The following TXNRD1 variants were observed in gnomAD, a reference collection of about 807,000 sequenced individuals.
The protein encoded by TXNRD1 is thioredoxin reductase 1, cytoplasmic.
TXNRD1 carries 57 observed loss-of-function variants against 80.3 expected under a neutral mutation model. The ratio of observed to expected loss-of-function variants is 0.71; its 90% confidence interval spans 0.57 to 0.89. TXNRD1 has a LOEUF of 0.89. Ranked by LOEUF, TXNRD1 falls within the 40% of genes least tolerant of loss-of-function variation. The pLI, the probability that TXNRD1 is intolerant of heterozygous loss-of-function variation, is 0.00. For synonymous variants in TXNRD1, 291 were observed against 285.2 expected (o/e 1.02, Z -0.20); for missense variants, 730 against 803.0 (o/e 0.91, Z 1.10).
chr12:104,268,955 T>C (rs2033595508), intron 3 of TXNRD1, among the ~76,000 whole-genome samples: 1 of 150,488 alleles, frequency 6.6e-6, no homozygotes, highest in South Asian at 2.1e-4. Context: ...TCTCACTCTT[T>C]TTGCCCAGGC....
At position 104,282,219 on chromosome 12, in the gene TXNRD1, G is replaced by GGT. The variant is rs2033893878; in HGVS notation, c.305-6710_305-6709dup. 3.9e-5 allele frequency among the ~76,000 whole-genome samples: 6 copies of GGT among 152,304 alleles called. No homozygotes were observed. In the South Asian group the frequency reaches 1.2e-3, roughly 32 times the overall value. ...AGGGTTTGGGGAGCTAGCAAGCTCT[G>GGT]GTGAGTGATGGCAGTGGGCAAAATT... On this transcript the variant is annotated intron_variant, in intron 3 of 16. Coordinates refer to ENST00000525566, the MANE Select transcript of TXNRD1 (RefSeq NM_001093771.3).
At chr12:104,309,953 A>G in intron 4 of TXNRD1, 2 of 1,536,004 alleles carry the variant, frequency 1.3e-6, no homozygotes, top group East Asian at 2.4e-5. Context: ...GCCAACAGGT[A>G]GCCACAGTGC....
rs559517270 is a variant in TXNRD1, at chr12:104,218,260, G to T, written c.91+2367G>T. ...AGGCTGGTCTTGAACTCTTGACCTC[G>T]TGATCTTCCCGCCTCAGCCTCCCAA... is the stretch of plus-strand genomic sequence containing the variant. On this transcript the variant is annotated intron_variant, in intron 1 of 16. Coordinates refer to ENST00000525566, the MANE Select transcript of TXNRD1 (RefSeq NM_001093771.3). Among the ~76,000 whole-genome samples the T allele has an allele frequency of 2.0e-5, 3 of 151,886 alleles. No homozygotes were observed. The East Asian group carries it at 5.8e-4, about 29-fold the overall frequency.
At chr12:104,311,837 C>T (rs2135807168) in intron 5 of TXNRD1, among the ~76,000 whole-genome samples, 1 of 152,040 alleles carries the variant, frequency 6.6e-6, no homozygotes, top group South Asian at 2.1e-4. Flanking sequence ...AAAAATTAGC[C>T]AGGCGTGGTG....
chr12:104,217,748 C>G (rs894818107), intron 1 of TXNRD1, among the ~76,000 whole-genome samples: 1 of 152,018 alleles, frequency 6.6e-6, no homozygotes, highest in Admixed American at 6.6e-5. Context: ...TTGCCGTTTC[C>G]CCCAGCCCCT....
At chr12:104,234,394 A>T (rs1469812455) in intron 1 of TXNRD1, among the ~76,000 whole-genome samples, 1 of 152,132 alleles carries the variant, frequency 6.6e-6, no homozygotes, top group Non-Finnish European at 1.5e-5. Flanking sequence ...TCCTGGGTTC[A>T]AGTGATTCTT....
chr12:104,318,864 G>A (rs1423728851), intron 7 of TXNRD1, 49 bp from the exon 8 acceptor site: 19 of 1,582,304 alleles, frequency 1.2e-5, no homozygotes, highest in Non-Finnish European at 1.6e-5. Context: ...AATGATCTTT[G>A]CCAGCAGTTG....
At chr12:104,270,782 C>A (rs2033634826) in intron 3 of TXNRD1, among the ~76,000 whole-genome samples, 2 of 151,978 alleles carry the variant, frequency 1.3e-5, no homozygotes, top group East Asian at 1.9e-4. Flanking sequence ...AACATTGAAT[C>A]CTGTCAAGCA....
rs754248678 is a variant in TXNRD1, at chr12:104,315,753, A to G, written c.611-24A>G. The stretch of plus-strand genomic sequence containing the variant: ...GTAAGGCTTGGAAAGCAGGTTATAA[A>G]CTGATTTCTCAATGTTGTTGTAGGT... On this transcript the variant is annotated intron_variant, in intron 6 of 16. Coordinates refer to ENST00000525566, the MANE Select transcript of TXNRD1 (RefSeq NM_001093771.3). The G allele has an allele frequency of 2.5e-6, 4 of 1,604,580 alleles. No homozygotes were observed. In the African/African-American group the frequency reaches 4.0e-5, roughly 16 times the overall value.
chr12:104,232,828 C>G (rs1187576807), intron 1 of TXNRD1, among the ~76,000 whole-genome samples: 1 of 152,128 alleles, frequency 6.6e-6, no homozygotes, highest in Non-Finnish European at 1.5e-5. Flanking sequence ...TTCTAAGAAG[C>G]CTGATTGTCA....
rs1165696357 is a variant in TXNRD1, at chr12:104,304,932, A to G, written c.415-6358A>G. On this transcript the variant is annotated intron_variant, in intron 4 of 16. Transcript: ENST00000525566. ...GAGGCTATGATTACATACTCCTCAT[A>G]CTAAAGATTTCTTAGTATAGCATCC... 2.5e-6 allele frequency: 4 copies of G among 1,584,440 alleles called. No homozygotes were observed. In the Admixed American group the frequency reaches 7.7e-5, roughly 30 times the overall value.
rs201478909 is a variant in TXNRD1, at chr12:104,229,562, CATTTTATTTT to C, written c.91+13699_91+13708del. ...AACAGTGCATTGTATGAATATACAACATTTTATTTTATTTTATTTTATTTTATTTTATTTT... is the reference window on the plus strand; with the variant it reads ...AACAGTGCATTGTATGAATATACAACATTTTATTTTATTTTATTTTATTTT... On this transcript the variant is annotated intron_variant, in intron 1 of 16. Transcript: ENST00000525566. Among the ~76,000 whole-genome samples the C allele has an allele frequency of 4.6e-3, 660 of 141,974 alleles. 6 individuals are homozygous for C. The highest frequency in any genetic ancestry group is 0.011 in the African/African-American group (387 of 35,348). 93.1% of individuals were successfully genotyped at this position (141,974 alleles called of 152,430 possible). A position where few individuals can be genotyped will look rare whatever the true frequency, so the allele number is the denominator to read the frequency against.
chr12:104,315,570 G>A (rs1159104643), intron 6 of TXNRD1, among the ~76,000 whole-genome samples: 1 of 152,058 alleles, frequency 6.6e-6, no homozygotes, highest in African/African-American at 2.4e-5. Flanking sequence ...TTTTTGTTTT[G>A]TTTTAGGATG....
intron 3 of TXNRD1, among the ~76,000 whole-genome samples, chr12:104,278,055 T>G (rs1356647941): frequency 1.3e-5 from 2 of 151,430 alleles, no homozygotes; most frequent in Non-Finnish European, 2.9e-5. Flanking sequence ...TTTTTTGTAT[T>G]TTTAGTAGAG....
intron 3 of TXNRD1, among the ~76,000 whole-genome samples, chr12:104,264,172 TA>T (rs2033425829): frequency 6.6e-6 from 1 of 152,216 alleles, no homozygotes; most frequent in Non-Finnish European, 1.5e-5. Flanking sequence ...AAAAGATGAG[TA>T]AGGCACAACC....
At chr12:104,326,472 T>TC in intron 12 of TXNRD1, 49 bp downstream of exon 12, 1 of 1,285,170 alleles carries the variant, frequency 7.8e-7, no homozygotes, top group East Asian at 2.6e-5. Flanking sequence ...TTTTTTTTTT[T>TC]TTTTTTTTTT....
At chr12:104,306,790 C>T (rs2034932922) in intron 4 of TXNRD1, among the ~76,000 whole-genome samples, 1 of 152,190 alleles carries the variant, frequency 6.6e-6, no homozygotes, top group African/African-American at 2.4e-5. Flanking sequence ...CATTTGATCT[C>T]ACTCATCCTC....
At chr12:104,233,176 T>C (rs1204217251) in intron 1 of TXNRD1, among the ~76,000 whole-genome samples, 2 of 152,246 alleles carry the variant, frequency 1.3e-5, no homozygotes, top group Admixed American at 6.5e-5. Context: ...AATGTACTTA[T>C]TCCCTTACTA....
chr12:104,308,098 C>G (rs1170909366), intron 4 of TXNRD1, among the ~76,000 whole-genome samples: 1 of 152,004 alleles, frequency 6.6e-6, no homozygotes, highest in Non-Finnish European at 1.5e-5. Flanking sequence ...CGGGTTCACG[C>G]CATTCTCCTG....
Sources: allele counts gnomAD v4.1 joint callset (sites outside exome capture counted in the v4.1 genomes callset), GRCh38; gene constraint gnomAD v4.1.1; transcripts MANE v1.5; gene names NCBI Gene and HGNC (gene_info 2026-07-23, HGNC 2026-07-21).